Variants in ANK3 observed in about 807,000 individuals in gnomAD.
The protein encoded by ANK3 is ankyrin-3.
ANK3 carries 57 observed loss-of-function variants against 370.9 expected under a neutral mutation model. The observed-to-expected ratio is 0.15, with a 90% CI of 0.12 to 0.19. ANK3 has a LOEUF of 0.19. Ranked by LOEUF, ANK3 falls within the 10% of genes least tolerant of loss-of-function variation. ANK3 has a pLI of 1.00. For synonymous variants in ANK3, 1,929 were observed against 1,946.3 expected (o/e 0.99, Z 0.23); for missense variants, 4,439 against 5,302.1 (o/e 0.84, Z 5.06).
chr10:60,677,785 A>C (rs1226015880), intron 1 of ANK3, among the ~76,000 whole-genome samples: 12 of 125,574 alleles, frequency 9.6e-5, no homozygotes, highest in Admixed American at 3.9e-4. Flanking sequence ...TCAACTACCC[A>C]AAAAAAAAAA....
intron 28 of ANK3, among the ~76,000 whole-genome samples, chr10:60,091,522 C>A (rs2088403708): frequency 8.9e-6 from 1 of 111,990 alleles, no homozygotes; most frequent in Non-Finnish European, 1.7e-5. Flanking sequence ...TAGAATGTGA[C>A]CAGGGAGGGT....
intron 1 of ANK3, among the ~76,000 whole-genome samples, chr10:60,676,372 A>T (rs2133386143): frequency 6.8e-6 from 1 of 147,016 alleles, no homozygotes; most frequent in East Asian, 2.0e-4. Flanking sequence ...TTTACATACA[A>T]GCTTATTATT....
chr10:60,525,544 C>T (rs999526226), intron 2 of ANK3, among the ~76,000 whole-genome samples: 11 of 152,204 alleles, frequency 7.2e-5, no homozygotes, highest in East Asian at 1.9e-4. Flanking sequence ...CTACTATATG[C>T]GCTAAACTGC....
intron 1 of ANK3, among the ~76,000 whole-genome samples, chr10:60,705,425 T>C (rs1173573994): frequency 6.6e-6 from 1 of 152,164 alleles, no homozygotes; most frequent in Non-Finnish European, 1.5e-5. Flanking sequence ...GAGTATCCAA[T>C]GAAGTAGGTA....
chr10:60,621,584 T>C (rs1207561769), intron 1 of ANK3, among the ~76,000 whole-genome samples: 1 of 152,142 alleles, frequency 6.6e-6, no homozygotes, highest in Non-Finnish European at 1.5e-5. Flanking sequence ...TATCAACCAA[T>C]TTGTTGAGAA....
At chr10:60,031,099 GTAA>G (rs1449207627) in intron 43 of ANK3, among the ~76,000 whole-genome samples, 8 of 6,238 alleles carry the variant, frequency 1.3e-3, no homozygotes, top group African/African-American at 0.012. Context: ...TGAATGCTTT[GTAA>G]GTAAGTCTCT....
chr10:60,362,723 G>A (rs1201837102), intron 1 of ANK3, among the ~76,000 whole-genome samples: 1 of 152,142 alleles, frequency 6.6e-6, no homozygotes, highest in Non-Finnish European at 1.5e-5. Context: ...AACACTGAGA[G>A]GATCCCCACA....
chr10:60,208,767 G>A (rs1416020388), intron 9 of ANK3, among the ~76,000 whole-genome samples: 2 of 152,160 alleles, frequency 1.3e-5, no homozygotes, highest in African/African-American at 4.8e-5. Context: ...ACCCAATATT[G>A]AAGACTATAC....
chr10:60,224,958 G>T (rs1272306184), intron 8 of ANK3, among the ~76,000 whole-genome samples: 1 of 148,532 alleles, frequency 6.7e-6, no homozygotes, highest in Non-Finnish European at 1.5e-5. Flanking sequence ...TTGTCACCCA[G>T]GCTGGAGTGT....
intron 2 of ANK3, among the ~76,000 whole-genome samples, chr10:60,526,453 TCAAA>T (rs2133191943): frequency 6.6e-6 from 1 of 152,254 alleles, no homozygotes; most frequent in East Asian, 1.9e-4. Flanking sequence ...GTGTGTTCCA[TCAAA>T]CAGACATTCT....
At chr10:60,138,905 A>T in intron 24 of ANK3, 59 bp downstream of exon 24, 1 of 1,596,084 alleles carries the variant, frequency 6.3e-7, no homozygotes, top group Non-Finnish European at 8.5e-7. Flanking sequence ...CATGATTTTG[A>T]TTTATGACAA....
At chr10:60,639,408 C>A (rs1051224046) in intron 1 of ANK3, among the ~76,000 whole-genome samples, 2 of 150,890 alleles carry the variant, frequency 1.3e-5, no homozygotes, top group African/African-American at 4.8e-5. Context: ...AGAAATGAAG[C>A]ATGCCCAAAG....
chr10:60,083,244 G>A (rs1008601077), intron 33 of ANK3, among the ~76,000 whole-genome samples: 1 of 152,018 alleles, frequency 6.6e-6, no homozygotes, highest in Non-Finnish European at 1.5e-5. Context: ...TAAATTGTTT[G>A]GTTTTACAAA....
At chr10:60,517,906 C>T (rs907400095) in intron 2 of ANK3, among the ~76,000 whole-genome samples, 2 of 152,148 alleles carry the variant, frequency 1.3e-5, no homozygotes, top group South Asian at 4.2e-4. Context: ...ATAACCACCC[C>T]ACTGGCTAGC....
chr10:60,313,339 C>A (rs571171457), intron 1 of ANK3, among the ~76,000 whole-genome samples: 48 of 152,150 alleles, frequency 3.2e-4, no homozygotes, highest in Middle Eastern at 3.4e-3. Flanking sequence ...TTTATGAGAA[C>A]CATGTGAATG....
chr10:60,235,345 C>T (rs759664172), intron 7 of ANK3, among the ~76,000 whole-genome samples: 2 of 152,140 alleles, frequency 1.3e-5, no homozygotes, highest in Non-Finnish European at 2.9e-5. Context: ...TTAGCAGTCT[C>T]ATGAAAACTG....
chr10:60,403,080 A>C (rs1048404494), intron 2 of ANK3, among the ~76,000 whole-genome samples: 1 of 152,232 alleles, frequency 6.6e-6, no homozygotes, highest in African/African-American at 2.4e-5. Context: ...TATGCTAATA[A>C]ATTGAAAATT....
chr10:60,582,437 C>T (rs1296090885), intron 2 of ANK3, among the ~76,000 whole-genome samples: 2 of 151,884 alleles, frequency 1.3e-5, no homozygotes, highest in East Asian at 3.9e-4. Flanking sequence ...CTCAATGATG[C>T]CCTCATATAA....
At chr10:60,532,974 T>C (rs1410010364) in intron 2 of ANK3, among the ~76,000 whole-genome samples, 1 of 151,990 alleles carries the variant, frequency 6.6e-6, no homozygotes, top group Non-Finnish European at 1.5e-5. Context: ...CTGCAAACAG[T>C]TCTTCTCAGC....
Sources: gnomAD v4.1 joint callset for allele counts (sites outside exome capture counted in the v4.1 genomes callset) on GRCh38, gnomAD v4.1.1 for gene constraint, MANE v1.5 for transcripts, NCBI Gene and HGNC (gene_info 2026-07-23, HGNC 2026-07-21) for gene names.